The following HSPA13 variants were observed in gnomAD, a reference collection of about 807,000 sequenced individuals.
HSPA13 encodes the protein heat shock 70 kDa protein 13.
Under a neutral mutation model 38.8 loss-of-function variants are expected in HSPA13, and 29 were observed. The observed-to-expected ratio is 0.75, with a 90% confidence interval of 0.56 to 1.02. HSPA13 has a LOEUF of 1.02. Ranked by LOEUF, HSPA13 falls within the 50% of genes least tolerant of loss-of-function variation. HSPA13 has a pLI of 0.00. For missense variants in HSPA13, 451 were observed against 560.9 expected, an observed-to-expected ratio of 0.80 and a Z score of 1.98; for synonymous variants, 192 against 205.3, an observed-to-expected ratio of 0.94 and a Z score of 0.56.
At position 14,373,771 on chromosome 21, in the gene HSPA13, A is replaced by G; in HGVS notation, c.1262T>C (p.Phe421Ser). Residue 421 changes from phenylalanine (F) to serine (S), a missense_variant, in exon 5 of 5, where the codon TTC (phenylalanine) becomes TCC (serine). Phe to Ser is a radical substitution (Grantham distance 155, BLOSUM62 -2). Coordinates refer to ENST00000285667, the MANE Select transcript of HSPA13 (RefSeq NM_006948.5). Reference sequence around the variant, plus strand: ...AGATGTGTTGGGATCTTTTCCAAAGAACTCTTGAATGACTTGACGGATCCG... The same window carrying G: ...AGATGTGTTGGGATCTTTTCCAAAGGACTCTTGAATGACTTGACGGATCCG... ...IPRIRQVIQE[F>S]FGKDPNTSVD... The G allele has an allele frequency of 6.2e-7, 1 of 1,614,176 alleles. No individual in the cohort carries two copies. Among genetic ancestry groups the G allele is most frequent in the Admixed American group, 1.7e-5 (1 of 60,028 alleles).
chr21:14,374,229 A>T lies in HSPA13; in HGVS notation c.804T>A (p.Tyr268Ter). 1 of 1,612,502 alleles carries T rather than the reference A, an allele frequency of 6.2e-7. No individual in the cohort carries two copies. Among genetic ancestry groups the T allele is most frequent in the Non-Finnish European group, 8.5e-7 (1 of 1,179,978 alleles). ...DFNQRLLQYLYKQIYQTYGFV... is the reference protein window; with the variant it reads ...DFNQRLLQYL ...AGCCATATGTTTGATAGATCTGTTT[A>T]TATAAGTACTGAAGCAATCTCTGAT... Residue 268 changes from tyrosine (Y) to a stop codon, truncating the protein, a stop_gained, in exon 5 of 5, where the codon TAT becomes TAA. Coordinates refer to ENST00000285667, the MANE Select transcript of HSPA13 (RefSeq NM_006948.5). LOFTEE classifies it high-confidence loss of function.
intron 2 of HSPA13, among the ~76,000 whole-genome samples, chr21:14,380,381 A>G (rs985559950): frequency 6.7e-6 from 1 of 150,152 alleles, no homozygotes; most frequent in African/African-American, 2.5e-5. Flanking sequence ...ACAAAGAAAA[A>G]TGGACCATAA....
chr21:14,371,405 A>T lies in HSPA13; in HGVS notation c.*2212T>A, dbSNP rs1478270401. 3.3e-5 allele frequency: 5 copies of T among 152,212 alleles called. No individual in the cohort carries two copies. The highest frequency in any genetic ancestry group is 1.2e-4 in the African/African-American group (5 of 41,434). The allele number at this position is 152,212 out of a possible 1,614,324, so 9.4% of individuals were successfully genotyped here. On this transcript the variant is annotated 3_prime_UTR_variant, in exon 5 of 5. Transcript: ENST00000285667. The stretch of plus-strand genomic sequence containing the variant: ...CTAAATGTACAACTAAAGTTTATTA[A>T]TTTTTTTTATGAAAAGACTTCAGAT...
intron 2 of HSPA13, among the ~76,000 whole-genome samples, chr21:14,380,038 T>C (rs1240504639): frequency 6.6e-6 from 1 of 151,820 alleles, no homozygotes; most frequent in Non-Finnish European, 1.5e-5. Flanking sequence ...CTAATTCATT[T>C]AGAATTTCAC....
Position 14,374,084 on chromosome 21 carries a change from C to T in HSPA13, c.949G>A (p.Asp317Asn). Residue 317 changes from aspartate to asparagine, a missense_variant, in exon 5 of 5, where the codon GAC becomes AAC. Coordinates refer to ENST00000285667, the MANE Select transcript of HSPA13 (RefSeq NM_006948.5). ...TCACTACTGTGAGGTTCCTTCCTGT[C>T]CTGCTCCTCCACCGTTAGTAATACT... is the stretch of plus-strand genomic sequence containing the variant. ...LSVLLTVEEQ[D>N]RKEPHSSDTE... 1 of 1,614,130 alleles carries T rather than the reference C, an allele frequency of 6.2e-7. No homozygotes were observed.
In HSPA13 at chr21:14,373,340, A is replaced by G. The variant is rs1982872256; in HGVS notation, c.*277T>C. ...ATATGGTTATCAACCTCCAGAATCC[A>G]GAAAATATAGTTATCCATACTCTTT... On this transcript the variant is annotated 3_prime_UTR_variant, in exon 5 of 5. Transcript: ENST00000285667. 2.4e-5 allele frequency: 8 copies of G among 334,328 alleles called. No individual in the cohort carries two copies. In the South Asian group the frequency reaches 5.0e-4, roughly 21 times the overall value. The allele number at this position is 334,328 out of a possible 1,614,324, so 20.7% of individuals were successfully genotyped here.
At chr21:14,380,133 C>T (rs562718830) in intron 2 of HSPA13, among the ~76,000 whole-genome samples, 3 of 150,198 alleles carry the variant, frequency 2.0e-5, no homozygotes, top group South Asian at 4.2e-4. Context: ...AAAAAAGCAG[C>T]GAAATCCAAA....
At chr21:14,375,985 G>T (rs1984010744) in intron 3 of HSPA13, among the ~76,000 whole-genome samples, 166 bp from the exon 4 acceptor site, 1 of 152,024 alleles carries the variant, frequency 6.6e-6, no homozygotes, top group Non-Finnish European at 1.5e-5. Flanking sequence ...AGTAAACATA[G>T]GCTCTTCTAA....
At chr21:14,378,112 G>A in intron 3 of HSPA13, 87 bp downstream of exon 3, 1 of 954,678 alleles carries the variant, frequency 1.0e-6, no homozygotes, top group Admixed American at 2.0e-5. Flanking sequence ...TGGTTGTGTG[G>A]TTTGGGAAGT....
chr21:14,378,167 G>A, intron 3 of HSPA13, 32 bp downstream of exon 3: 1 of 1,554,962 alleles, frequency 6.4e-7, no homozygotes, highest in Non-Finnish European at 8.9e-7. Flanking sequence ...ACAATTTTGA[G>A]AAAAATGCAT....
At position 14,371,259 on chromosome 21, in the gene HSPA13, G is replaced by C. The variant is rs1245162934; in HGVS notation, c.*2358C>G. ...ATACACAGCAGTATCTGTTAAGTCA[G>C]TGGTTTGAGTGAAAACACAGTACCA... is the stretch of plus-strand genomic sequence containing the variant. On this transcript the variant is annotated 3_prime_UTR_variant, in exon 5 of 5. Transcript: ENST00000285667. 6.6e-6 allele frequency: 1 copy of C among 152,590 alleles called. No individual in the cohort carries two copies. Among genetic ancestry groups the C allele is most frequent in the Non-Finnish European group, 1.5e-5 (1 of 68,012 alleles). The allele number at this position is 152,590 out of a possible 1,614,324, so 9.5% of individuals were successfully genotyped here.
Position 14,373,341 on chromosome 21 carries a change from G to A in HSPA13, c.*276C>T, listed in dbSNP as rs185699289. 43 of 335,934 alleles carry A rather than the reference G, an allele frequency of 1.3e-4. No individual in the cohort carries two copies. The highest frequency in any genetic ancestry group is 9.5e-4 in the Admixed American group (22 of 23,256). The allele number at this position is 335,934 out of a possible 1,614,324, so 20.8% of individuals were successfully genotyped here. A position where few individuals can be genotyped will look rare whatever the true frequency, so the allele number is the denominator to read the frequency against. ...TATGGTTATCAACCTCCAGAATCCA[G>A]AAAATATAGTTATCCATACTCTTTT... On this transcript the variant is annotated 3_prime_UTR_variant, in exon 5 of 5. Coordinates refer to ENST00000285667, the MANE Select transcript of HSPA13 (RefSeq NM_006948.5).
At chr21:14,378,129 C>T (rs1485710035) in intron 3 of HSPA13, 70 bp downstream of exon 3, 2 of 1,190,242 alleles carry the variant, frequency 1.7e-6, no homozygotes, top group Admixed American at 1.8e-5. Flanking sequence ...AAGTGGTAAA[C>T]CTTACTACAG....
rs1337535196 is a variant in HSPA13, at chr21:14,373,419, C to A, written c.*198G>T. The A allele has an allele frequency of 9.1e-6, 5 of 546,550 alleles. No individual in the cohort carries two copies. The East Asian group carries it at 1.4e-4, about 16-fold the overall frequency. The allele number at this position is 546,550 out of a possible 1,614,324, so 33.9% of individuals were successfully genotyped here. ...TTTAGAGTATTTGTTAGAATAGGATCTCTCCAAAATCAAACAGGATCAATC... is the reference window on the plus strand; with the variant it reads ...TTTAGAGTATTTGTTAGAATAGGATATCTCCAAAATCAAACAGGATCAATC... On this transcript the variant is annotated 3_prime_UTR_variant, in exon 5 of 5. Transcript: ENST00000285667.
chr21:14,374,585 A>C (rs1487261275), intron 4 of HSPA13, among the ~76,000 whole-genome samples: 2 of 152,220 alleles, frequency 1.3e-5, no homozygotes, highest in Non-Finnish European at 1.5e-5. Flanking sequence ...TCAATAAATA[A>C]AAATTTAAAA....
chr21:14,374,105 A>G lies in HSPA13; in HGVS notation c.928T>C (p.Leu310=). 1.2e-6 allele frequency: 2 copies of G among 1,614,162 alleles called. No individual in the cohort carries two copies. The highest frequency in any genetic ancestry group is 1.7e-6 in the Non-Finnish European group (2 of 1,180,010). Residue 310 remains leucine, a synonymous_variant, in exon 5 of 5, where the codon TTA becomes CTA. Coordinates refer to ENST00000285667, the MANE Select transcript of HSPA13 (RefSeq NM_006948.5). ...CTGTCCTGCTCCTCCACCGTTAGTAATACTGACAACTGAGCAGATTGATGA... is the reference window on the plus strand; with the variant it reads ...CTGTCCTGCTCCTCCACCGTTAGTAGTACTGACAACTGAGCAGATTGATGA... ...TLHQSAQLSV[L]LTVEEQDRKE...
chr21:14,382,290 G>A (rs1412350643), intron 1 of HSPA13, among the ~76,000 whole-genome samples: 1 of 151,734 alleles, frequency 6.6e-6, no homozygotes, highest in East Asian at 1.9e-4. Flanking sequence ...CCCAGACCAG[G>A]AATAGCAGAT....
intron 3 of HSPA13, among the ~76,000 whole-genome samples, chr21:14,377,030 T>C (rs1984044386): frequency 1.3e-5 from 2 of 152,226 alleles, no homozygotes; most frequent in African/African-American, 4.8e-5. Context: ...GAGACATTTT[T>C]CATTGTCACC....
At chr21:14,375,937 G>C in intron 3 of HSPA13, 118 bp from the exon 4 acceptor site, 5 of 722,224 alleles carry the variant, frequency 6.9e-6, no homozygotes, top group East Asian at 2.6e-5. Flanking sequence ...GTAATAATGA[G>C]AGCAGTCACA....
Sources: allele counts gnomAD v4.1 joint callset (sites outside exome capture counted in the v4.1 genomes callset), GRCh38; gene constraint gnomAD v4.1.1; transcripts MANE v1.5; gene names NCBI Gene and HGNC (gene_info 2026-07-23, HGNC 2026-07-21).